Variants in R3HDM4 observed in about 807,000 individuals in gnomAD.
R3HDM4 encodes the protein R3H domain-containing protein 4.
Under a neutral mutation model 31.3 loss-of-function variants are expected in R3HDM4, and 30 were observed. The ratio of observed to expected loss-of-function variants is 0.96; its 90% CI spans 0.72 to 1.30. R3HDM4 has a LOEUF of 1.30. R3HDM4 is among the 50% of genes most tolerant of loss of function. The probability of loss-of-function intolerance (pLI) is 0.00; values close to 1 mark genes in which losing one functional copy is unlikely to be tolerated. For synonymous variants in R3HDM4, 196 were observed against 156.6 expected (o/e 1.25, Z -1.88); for missense variants, 444 against 366.1 (o/e 1.21, Z -1.74).
chr19:901,635 T>C, intron 2 of R3HDM4, 89 bp from the exon 3 acceptor site: 1 of 1,505,894 alleles, frequency 6.6e-7, no homozygotes, highest in Non-Finnish European at 8.9e-7. Context: ...TTCCTCCTTT[T>C]TTATCATCTC....
rs978964921 is a variant in R3HDM4, at chr19:898,294, A to G, written c.704-754T>C. Among the ~76,000 whole-genome samples, 43 of 149,712 alleles carry G rather than the reference A, an allele frequency of 2.9e-4. No homozygotes were observed. In the South Asian group the frequency reaches 5.0e-3, roughly 18 times the overall value. On this transcript the variant is annotated intron_variant, in intron 7 of 7. Transcript: ENST00000361574. The stretch of plus-strand genomic sequence containing the variant: ...GTGGCGGGCACCTGTAGTCCCAGCT[A>G]CTCGGGAGGCTGAGGCAGGAGAATG...
chr19:911,359 G>T (rs1014899965), intron 1 of R3HDM4, among the ~76,000 whole-genome samples: 5 of 152,286 alleles, frequency 3.3e-5, no homozygotes, highest in African/African-American at 4.8e-5. Flanking sequence ...CAGGAGAATC[G>T]CTTGAACCCA....
chr19:900,329 C>T (rs947556017), intron 4 of R3HDM4, among the ~76,000 whole-genome samples, 183 bp from the exon 5 acceptor site: 6 of 151,964 alleles, frequency 3.9e-5, no homozygotes, highest in Non-Finnish European at 7.4e-5. Flanking sequence ...CCCACGAGGC[C>T]CTGACCCCAA....
Position 896,587 on chromosome 19 carries a change from C to G in R3HDM4, c.*850G>C, listed in dbSNP as rs1459695717. The G allele has an allele frequency of 6.6e-6, 1 of 152,622 alleles. No individual in the cohort carries two copies. The highest frequency in any genetic ancestry group is 1.5e-5 in the Non-Finnish European group (1 of 68,044). The allele number at this position is 152,622 out of a possible 1,614,324, so 9.5% of individuals were successfully genotyped here. The stretch of plus-strand genomic sequence containing the variant: ...CGCAGCAAGGGGGTGCGGAGGCCCC[C>G]CAGCCTGGCTCCTGCAGCCTGGGCC... On this transcript the variant is annotated 3_prime_UTR_variant, in exon 8 of 8. Transcript: ENST00000361574. The surrounding 1 kb of genome is among the most constrained non-coding windows in gnomAD (Gnocchi z 4.0).
intron 1 of R3HDM4, among the ~76,000 whole-genome samples, chr19:912,687 G>A (rs1172416065): frequency 7.8e-6 from 1 of 127,422 alleles, no homozygotes; most frequent in African/African-American, 3.0e-5. Context: ...AGAGTGAGGG[G>A]GTGGACCCGG....
chr19:913,058 C>T lies in R3HDM4; in HGVS notation c.71+29G>A, dbSNP rs1471423567. ...GAGGGAGCCCAGCCCGCCCCCGGCG[C>T]CCGCCGCGCCCCGCCCGCCCGCGCT... On this transcript the variant is annotated intron_variant, in intron 1 of 7. Transcript: ENST00000361574. The surrounding 1 kb of genome is among the most constrained non-coding windows in gnomAD (Gnocchi z 5.0). 3.1e-6 allele frequency: 3 copies of T among 956,442 alleles called. No homozygotes were observed. The highest frequency in any genetic ancestry group is 3.8e-6 in the Non-Finnish European group (3 of 791,456). 59.2% of individuals were successfully genotyped at this position (956,442 alleles called of 1,614,324 possible).
chr19:903,768 A>C (rs1430458736), intron 1 of R3HDM4, among the ~76,000 whole-genome samples: 2 of 151,978 alleles, frequency 1.3e-5, no homozygotes, highest in Non-Finnish European at 2.9e-5. Context: ...CAAAACAAAC[A>C]GGACGGGCGC....
At chr19:903,332 A>G (rs2036860688) in intron 1 of R3HDM4, among the ~76,000 whole-genome samples, 1 of 150,614 alleles carries the variant, frequency 6.6e-6, no homozygotes, top group South Asian at 2.1e-4. Context: ...GGCCGGAGCA[A>G]ATGGCATTAA....
intron 1 of R3HDM4, among the ~76,000 whole-genome samples, chr19:905,841 C>T (rs1026195156): frequency 6.6e-6 from 1 of 152,146 alleles, no homozygotes; most frequent in East Asian, 1.9e-4. Context: ...AAGCACCCAC[C>T]AATAGGGACC....
At chr19:901,314 AGAAGTGGGCGGGTGCTTCTG>A in intron 3 of R3HDM4, 88 bp downstream of exon 3, 1 of 1,249,298 alleles carries the variant, frequency 8.0e-7, no homozygotes, top group Non-Finnish European at 1.1e-6. Flanking sequence ...TTAGGAGATC[AGAAGTGGGCGGGTGCTTCTG>A]GCGGGGGACG....
rs765320454 is a variant in R3HDM4 at position 899,540 on chromosome 19, G to A, written c.648-45C>T. The A allele has an allele frequency of 5.6e-6, 9 of 1,612,726 alleles. No individual in the cohort carries two copies. The South Asian group carries it at 6.6e-5, about 12-fold the overall frequency. On this transcript the variant is annotated intron_variant, in intron 6 of 7. Coordinates refer to ENST00000361574, the MANE Select transcript of R3HDM4 (RefSeq NM_138774.4). This position sits in a 1 kb window ranked among gnomAD's most constrained non-coding sequence, Gnocchi z 6.8. Reference sequence around the variant, plus strand: ...AGCGCCGTGCAGGGGCTGCAGCGTGGGGTGTCCGCCCACCTGGCCGCAGCC... The same window carrying A: ...AGCGCCGTGCAGGGGCTGCAGCGTGAGGTGTCCGCCCACCTGGCCGCAGCC...
intron 1 of R3HDM4, chr19:902,392 T>A (rs1331299203): frequency 2.1e-6 from 1 of 476,896 alleles, no homozygotes; most frequent in African/African-American, 1.9e-5. Context: ...GGTGGATCAC[T>A]TGAGCTCAGG....
chr19:911,905 G>C (rs1377274986), intron 1 of R3HDM4, among the ~76,000 whole-genome samples: 1 of 151,838 alleles, frequency 6.6e-6, no homozygotes, highest in Non-Finnish European at 1.5e-5. Flanking sequence ...GAAAGGCAGG[G>C]GGCGCGGACA....
rs199619192 is a variant in R3HDM4 at position 913,044 on chromosome 19, G to GC, written c.71+42dup. ...AGAGGATCTCAGGGGAGGGAGCCCA[G>GC]CCCGCCCCCGGCGCCCGCCGCGCCC... On this transcript the variant is annotated intron_variant, in intron 1 of 7. Coordinates refer to ENST00000361574, the MANE Select transcript of R3HDM4 (RefSeq NM_138774.4). This position sits in a 1 kb window ranked among gnomAD's most constrained non-coding sequence, Gnocchi z 5.0. 0.093 allele frequency: 70,990 copies of GC among 764,870 alleles called. 4,951 individuals are homozygous for GC. Among genetic ancestry groups the GC allele is most frequent in the Admixed American group, 0.19 (3,134 of 16,752 alleles). The allele number at this position is 764,870 out of a possible 1,614,324, so 47.4% of individuals were successfully genotyped here.
Position 901,367 on chromosome 19 carries a change from TAGG to T in R3HDM4, c.351+52_351+54del, listed in dbSNP as rs909335712. On this transcript the variant is annotated intron_variant, in intron 3 of 7. Transcript: ENST00000361574. Reference sequence around the variant, plus strand: ...ACGGGCACAGGCGATGGCCTGGCCGTAGGAGAACTGCCGGGGTCCCCGTGTGGA... The same window carrying T: ...ACGGGCACAGGCGATGGCCTGGCCGTAGAACTGCCGGGGTCCCCGTGTGGA... 39 of 1,564,392 alleles carry T rather than the reference TAGG, an allele frequency of 2.5e-5. No individual in the cohort carries two copies. The African/African-American group carries it at 3.0e-4, about 12-fold the overall frequency.
intron 7 of R3HDM4, among the ~76,000 whole-genome samples, chr19:898,182 G>C (rs2036765415): frequency 6.7e-6 from 1 of 150,250 alleles, no homozygotes; most frequent in Non-Finnish European, 1.5e-5. Flanking sequence ...GTCAGGTTGA[G>C]ACCATCCTGG....
At chr19:904,285 G>T (rs951222799) in intron 1 of R3HDM4, among the ~76,000 whole-genome samples, 1 of 152,158 alleles carries the variant, frequency 6.6e-6, no homozygotes, top group South Asian at 2.1e-4. Flanking sequence ...CGCACAGGCG[G>T]CTCGGGTTTG....
rs78236282 is a variant in R3HDM4, at chr19:909,313, T to C, written c.71+3774A>G. Among the ~76,000 whole-genome samples, 902 of 152,204 alleles carry C rather than the reference T, an allele frequency of 5.9e-3. 10 individuals are homozygous for C. The highest frequency in any genetic ancestry group is 0.021 in the African/African-American group (863 of 41,520). Reference sequence around the variant, plus strand: ...AGAGACAGCAAGAGAGGAACCGACTTGTGCATCAGGAAGCCAGGGCTCAGG... The same window carrying C: ...AGAGACAGCAAGAGAGGAACCGACTCGTGCATCAGGAAGCCAGGGCTCAGG... On this transcript the variant is annotated intron_variant, in intron 1 of 7. Transcript: ENST00000361574.
At chr19:898,957 G>T (rs1443609038) in intron 7 of R3HDM4, among the ~76,000 whole-genome samples, 2 of 152,190 alleles carry the variant, frequency 1.3e-5, no homozygotes, top group African/African-American at 4.8e-5. Flanking sequence ...GGCCGGCGGC[G>T]CCTGCACAGA....
Sources: allele counts gnomAD v4.1 joint callset (sites outside exome capture counted in the v4.1 genomes callset), GRCh38; gene constraint gnomAD v4.1.1; non-coding constraint Gnocchi (gnomAD v3.1); transcripts MANE v1.5; gene names NCBI Gene and HGNC (gene_info 2026-07-23, HGNC 2026-07-21).